KAT6B: variants seen among roughly 807,000 people sequenced by gnomAD.
The protein encoded by KAT6B is lysine acetyltransferase 6B.
Under a neutral mutation model 187.5 loss-of-function variants are expected in KAT6B, and 10 were observed. That is an observed-to-expected ratio of 0.05 (90% CI 0.03 to 0.09). KAT6B has a LOEUF of 0.09. KAT6B is among the 10% of genes least tolerant of loss of function. The probability of loss-of-function intolerance (pLI) is 1.00; values close to 1 mark genes in which losing one functional copy is unlikely to be tolerated. For synonymous variants in KAT6B, 861 were observed against 926.8 expected (o/e 0.93, Z 1.29); for missense variants, 1,952 against 2,558.9 (o/e 0.76, Z 5.12).
chr10:75,032,549 A>G lies in KAT6B; in HGVS notation c.*1503A>G, dbSNP rs1434952516. 1 of 178,858 alleles carries G rather than the reference A, an allele frequency of 5.6e-6. No homozygotes were observed. Among genetic ancestry groups the G allele is most frequent in the Non-Finnish European group, 1.2e-5 (1 of 83,388 alleles). 11.1% of individuals were successfully genotyped at this position (178,858 alleles called of 1,614,324 possible). A position where few individuals can be genotyped will look rare whatever the true frequency, so the allele number is the denominator to read the frequency against. On this transcript the variant is annotated 3_prime_UTR_variant, in exon 18 of 18. Coordinates refer to ENST00000287239, the MANE Select transcript of KAT6B (RefSeq NM_012330.4). ...ATAATGGATTTTAATGCTTTTCATG[A>G]AAGTTTATTTTATGCGAGTGCATAC...
chr10:74,964,457 C>A (rs1412287068), intron 4 of KAT6B, among the ~76,000 whole-genome samples: 3 of 152,110 alleles, frequency 2.0e-5, no homozygotes, highest in Non-Finnish European at 2.9e-5. Context: ...TTTTTCTCTA[C>A]CACTTCTTTC....
At chr10:74,826,094 G>A (rs1239702123), upstream of KAT6B, among the ~76,000 whole-genome samples, 2 of 149,358 alleles carry the variant, frequency 1.3e-5, no homozygotes, top group Non-Finnish European at 3.0e-5. Context: ...CGCCGCCAGC[G>A]ATCAGCTCTC....
intron 4 of KAT6B, among the ~76,000 whole-genome samples, chr10:74,961,486 A>G (rs140491625): frequency 7.4e-4 from 112 of 152,302 alleles, no homozygotes; most frequent in Non-Finnish European, 1.4e-3. Flanking sequence ...TTAAAGATGT[A>G]CTTAAATGTG....
At chr10:75,026,106 A>G (rs1845812445) in intron 17 of KAT6B, 1 of 149,566 alleles carries the variant, frequency 6.7e-6, no homozygotes, top group Admixed American at 6.8e-5. Flanking sequence ...TGATCGTGCC[A>G]CTGCACTCCA....
chr10:74,964,973 T>C (rs543738410), intron 4 of KAT6B, among the ~76,000 whole-genome samples: 2 of 152,338 alleles, frequency 1.3e-5, no homozygotes, highest in East Asian at 3.9e-4. Context: ...CAATCTAGGC[T>C]TCACCCTTTT....
chr10:74,942,073 C>G (rs1213326915), intron 3 of KAT6B, among the ~76,000 whole-genome samples: 2 of 152,154 alleles, frequency 1.3e-5, no homozygotes, highest in Non-Finnish European at 2.9e-5. Flanking sequence ...TCACTTGAAC[C>G]TGGGAGGCGG....
chr10:74,871,115 C>T (rs571347040), intron 3 of KAT6B, among the ~76,000 whole-genome samples: 1 of 147,468 alleles, frequency 6.8e-6, no homozygotes, highest in South Asian at 2.2e-4. Flanking sequence ...CTCCTGACCT[C>T]ACGTGATCCA....
intron 13 of KAT6B, among the ~76,000 whole-genome samples, chr10:75,004,338 G>A (rs763325913): frequency 6.6e-6 from 1 of 152,192 alleles, no homozygotes; most frequent in Non-Finnish European, 1.5e-5. Context: ...GAATGCCTGA[G>A]TCTAGTTAAT....
At chr10:74,826,247 AG>A (rs1240307693), upstream of KAT6B, among the ~76,000 whole-genome samples, 1 of 151,166 alleles carries the variant, frequency 6.6e-6, no homozygotes, top group Non-Finnish European at 1.5e-5. Flanking sequence ...CTAGAGGTGG[AG>A]GGGGCGGGTA....
chr10:75,030,119 G>T lies in KAT6B; in HGVS notation c.5295G>T (p.Gln1765His), dbSNP rs1846197217. 1 of 1,614,128 alleles carries T rather than the reference G, an allele frequency of 6.2e-7. No individual in the cohort carries two copies. Among genetic ancestry groups the T allele is most frequent in the African/African-American group, 1.3e-5 (1 of 74,940 alleles). Residue 1765 changes from glutamine to histidine, a missense_variant, in exon 18 of 18, where the codon CAG (glutamine) becomes CAT (histidine). Transcript: ENST00000287239. This position sits in a 1 kb window ranked among gnomAD's most constrained non-coding sequence, Gnocchi z 4.8. ...AGAGGCCTCCGAGCAGCAGCCAGCA[G>T]CTGGCTCAGTGCAGCATGGCTGCTA... The part of the protein sequence containing the change: ...VVERPPSSSQ[Q>H]LAQCSMAANF...
At chr10:74,864,155 A>G (rs918889155) in intron 3 of KAT6B, among the ~76,000 whole-genome samples, 2 of 150,940 alleles carry the variant, frequency 1.3e-5, no homozygotes, top group African/African-American at 4.9e-5. Flanking sequence ...TGCAACCTCC[A>G]CCTCCTGGGT....
chr10:74,880,822 G>A (rs1367694771), intron 3 of KAT6B, among the ~76,000 whole-genome samples: 1 of 152,058 alleles, frequency 6.6e-6, no homozygotes, highest in Non-Finnish European at 1.5e-5. Context: ...CACCATGTTG[G>A]CCAGGCTGGT....
intron 1 of KAT6B, among the ~76,000 whole-genome samples, chr10:74,832,314 T>C (rs898842239): frequency 6.6e-6 from 1 of 152,128 alleles, no homozygotes; most frequent in African/African-American, 2.4e-5. Flanking sequence ...AAAAGAATCA[T>C]AAAAAAGTTA....
At chr10:75,020,933 C>A in intron 14 of KAT6B, 120 bp downstream of exon 14, 1 of 996,676 alleles carries the variant, frequency 1.0e-6, no homozygotes, top group Non-Finnish European at 1.5e-6. Flanking sequence ...ATTATCAAAC[C>A]TTTTCTCCTA....
chr10:74,945,831 G>GT (rs1458394822), intron 3 of KAT6B, among the ~76,000 whole-genome samples: 1 of 152,170 alleles, frequency 6.6e-6, no homozygotes, highest in Non-Finnish European at 1.5e-5. Flanking sequence ...AAGGTGAGTT[G>GT]TTTTTTAAAG....
intron 3 of KAT6B, among the ~76,000 whole-genome samples, chr10:74,870,392 C>T (rs1843831862): frequency 6.6e-6 from 1 of 152,076 alleles, no homozygotes; most frequent in African/African-American, 2.4e-5. Flanking sequence ...TTGGTTTGCA[C>T]TTTAGAGTTG....
rs1379955255 is a variant in KAT6B at position 75,021,989 on chromosome 10, A to G, written c.3130A>G (p.Lys1044Glu). The change falls in exon 16 of 18, where the codon AAA (lysine) becomes GAA (glutamate). Residue 1044 changes from lysine (K) to glutamate (E), a missense_variant. Around this residue, in one of 9 missense-constraint regions of KAT6B, gnomAD observed 758 missense variants for 891.4 expected, o/e 0.85. Coordinates refer to ENST00000287239, the MANE Select transcript of KAT6B (RefSeq NM_012330.4). ...QSPAKVQSKN[K>E]YLHSPESRPV... ...ACCTGCAAAAGTACAATCGAAAAAT[A>G]AATATTTGCATTCCCCGGAGAGCCG... The G allele has an allele frequency of 6.2e-7, 1 of 1,614,200 alleles. No homozygotes were observed. The highest frequency in any genetic ancestry group is 8.5e-7 in the Non-Finnish European group (1 of 1,180,032).
chr10:74,998,360 A>C lies in KAT6B; in HGVS notation c.2629+9248A>C, dbSNP rs574051752. Among the ~76,000 whole-genome samples, 15 of 152,194 alleles carry C rather than the reference A, an allele frequency of 9.9e-5. No homozygotes were observed. In the East Asian group the frequency reaches 2.9e-3, roughly 29 times the overall value. ...CAACATTATTTTGTTTCATATTATT[A>C]TGTTTTAAATAGTGGACTTCTCTTT... is the stretch of plus-strand genomic sequence containing the variant. On this transcript the variant is annotated intron_variant, in intron 13 of 17. Coordinates refer to ENST00000287239, the MANE Select transcript of KAT6B (RefSeq NM_012330.4).
At chr10:75,001,889 C>T (rs1196015930) in intron 13 of KAT6B, among the ~76,000 whole-genome samples, 1 of 152,140 alleles carries the variant, frequency 6.6e-6, no homozygotes, top group Non-Finnish European at 1.5e-5. Context: ...GTGCAGGAGC[C>T]ACCGGCTTCT....
Sources: allele counts gnomAD v4.1 joint callset (sites outside exome capture counted in the v4.1 genomes callset), GRCh38; gene constraint gnomAD v4.1.1; regional missense constraint gnomAD v4.1.1; non-coding constraint Gnocchi (gnomAD v3.1); transcripts MANE v1.5; gene names NCBI Gene and HGNC (gene_info 2026-07-23, HGNC 2026-07-21).